COG5: variants seen among roughly 807,000 people sequenced by gnomAD.
The protein encoded by COG5 is conserved oligomeric Golgi complex subunit 5.
Under a neutral mutation model 110.4 loss-of-function variants are expected in COG5, and 86 were observed. That is an observed-to-expected ratio of 0.78 (90% CI 0.65 to 0.93). The LOEUF (loss-of-function observed/expected upper bound fraction) is 0.93. COG5 is among the 40% of genes least tolerant of loss of function. COG5 has a pLI of 0.00. For missense variants in COG5, 1,077 were observed against 987.0 expected, an observed-to-expected ratio of 1.09 and a Z score of -1.22; for synonymous variants, 360 against 334.6, an observed-to-expected ratio of 1.08 and a Z score of -0.83.
intron 7 of COG5, among the ~76,000 whole-genome samples, chr7:107,411,446 G>C (rs1370311064): frequency 6.6e-6 from 1 of 151,980 alleles, no homozygotes; most frequent in Non-Finnish European, 1.5e-5. Context: ...TCTAATGTTA[G>C]AAGTTAGAAT....
At position 107,558,138 on chromosome 7, in the gene COG5, A is replaced by G. The variant is rs1375061395; in HGVS notation, c.95-23T>C. 3 of 1,610,912 alleles carry G rather than the reference A, an allele frequency of 1.9e-6. No individual in the cohort carries two copies. The African/African-American group carries it at 4.0e-5, about 22-fold the overall frequency. ...ACCCTGGATTGGGGAAAAAATAAGGAAAAGTCCTTAATTACCCTGTACTAA... is the reference window on the plus strand; with the variant it reads ...ACCCTGGATTGGGGAAAAAATAAGGGAAAGTCCTTAATTACCCTGTACTAA... On this transcript the variant is annotated intron_variant, in intron 1 of 21. Transcript: ENST00000297135.
chr7:107,455,252 T>C (rs1795588894), intron 6 of COG5, among the ~76,000 whole-genome samples: 1 of 152,138 alleles, frequency 6.6e-6, no homozygotes, highest in Non-Finnish European at 1.5e-5. Context: ...TGTGAATGAA[T>C]GTGGAAGGGG....
chr7:107,337,398 TG>T (rs1356688854), intron 10 of COG5, among the ~76,000 whole-genome samples: 3 of 152,108 alleles, frequency 2.0e-5, no homozygotes, highest in African/African-American at 7.2e-5. Context: ...AAGCGTCCAT[TG>T]AAGGATGAAT....
intron 6 of COG5, among the ~76,000 whole-genome samples, chr7:107,483,581 G>A (rs1042435632): frequency 6.6e-6 from 1 of 152,038 alleles, no homozygotes; most frequent in African/African-American, 2.4e-5. Context: ...GTGCATGCCT[G>A]TAATCCCAGC....
chr7:107,555,819 C>T lies in COG5; in HGVS notation c.235-1477G>A, dbSNP rs191488672. Among the ~76,000 whole-genome samples the T allele has an allele frequency of 5.5e-3, 837 of 152,076 alleles. 8 individuals carry two copies. Among genetic ancestry groups the T allele is most frequent in the African/African-American group, 0.019 (806 of 41,478 alleles). Reference sequence around the variant, plus strand: ...TTGAGGTCAGGAGTTTGAGACCAGCCTGGCCAACATGGTGAAATCCTGTCT... The same window carrying T: ...TTGAGGTCAGGAGTTTGAGACCAGCTTGGCCAACATGGTGAAATCCTGTCT... On this transcript the variant is annotated intron_variant, in intron 2 of 21. Transcript: ENST00000297135.
chr7:107,307,994 A>G (rs913937493), intron 11 of COG5, among the ~76,000 whole-genome samples: 1 of 152,174 alleles, frequency 6.6e-6, no homozygotes, highest in African/African-American at 2.4e-5. Context: ...CATCTGCCTG[A>G]TTGAGTTAGG....
intron 6 of COG5, among the ~76,000 whole-genome samples, chr7:107,515,792 AAGTC>A (rs2129147663): frequency 6.6e-6 from 1 of 152,348 alleles, no homozygotes; most frequent in African/African-American, 2.4e-5. Flanking sequence ...TCTTTAGAAC[AAGTC>A]AGGCAATAAA....
chr7:107,487,238 A>G (rs1797708159), intron 6 of COG5, among the ~76,000 whole-genome samples: 1 of 152,212 alleles, frequency 6.6e-6, no homozygotes, highest in Non-Finnish European at 1.5e-5. Flanking sequence ...CAAAGAATAC[A>G]AACAGGTAAC....
chr7:107,236,053 A>G (rs899584451), intron 18 of COG5, among the ~76,000 whole-genome samples: 4 of 152,206 alleles, frequency 2.6e-5, no homozygotes, highest in African/African-American at 9.6e-5. Context: ...GAATGGTGAC[A>G]TGGCAACAAG....
At chr7:107,304,166 A>G (rs1281325874) in intron 11 of COG5, among the ~76,000 whole-genome samples, 3 of 152,186 alleles carry the variant, frequency 2.0e-5, no homozygotes, top group African/African-American at 7.2e-5. Flanking sequence ...ATTCACTGCA[A>G]AAAGAACCCC....
intron 8 of COG5, among the ~76,000 whole-genome samples, chr7:107,363,211 T>C (rs1317380632): frequency 6.6e-6 from 1 of 152,158 alleles, no homozygotes; most frequent in Non-Finnish European, 1.5e-5. Context: ...ATATGTAGTG[T>C]CCAAATTTTG....
At chr7:107,367,331 A>T (rs1813713808) in intron 8 of COG5, among the ~76,000 whole-genome samples, 1 of 152,132 alleles carries the variant, frequency 6.6e-6, no homozygotes, top group Admixed American at 6.5e-5. Flanking sequence ...GAATATAGAA[A>T]TGGAGAGGTC....
intron 10 of COG5, among the ~76,000 whole-genome samples, chr7:107,335,257 G>T (rs1272568953): frequency 6.6e-6 from 1 of 152,140 alleles, no homozygotes; most frequent in Non-Finnish European, 1.5e-5. Context: ...GGGTGCAGTG[G>T]TGTGCACCTG....
chr7:107,321,996 G>A (rs1378309302), intron 11 of COG5, among the ~76,000 whole-genome samples: 1 of 152,174 alleles, frequency 6.6e-6, no homozygotes, highest in African/African-American at 2.4e-5. Flanking sequence ...AATATGCAAA[G>A]ATTCCTTGGG....
chr7:107,240,796 T>C (rs1320346144), intron 17 of COG5, among the ~76,000 whole-genome samples: 1 of 152,152 alleles, frequency 6.6e-6, no homozygotes, highest in Non-Finnish European at 1.5e-5. Context: ...TTCTACAAAG[T>C]AGGAAAATTA....
At chr7:107,547,905 T>C in intron 5 of COG5, 1 of 583,842 alleles carries the variant, frequency 1.7e-6, no homozygotes, top group Non-Finnish European at 3.1e-6. Context: ...TAAACAATTA[T>C]ACACTGCAAT....
At chr7:107,470,025 C>G (rs1256295569) in intron 6 of COG5, 1 of 152,178 alleles carries the variant, frequency 6.6e-6, no homozygotes, top group African/African-American at 2.4e-5. Flanking sequence ...CACTGCATCT[C>G]TCTGCAGTGG....
chr7:107,480,895 C>CA (rs1369930151), intron 6 of COG5: 7 of 152,080 alleles, frequency 4.6e-5, no homozygotes, highest in African/African-American at 1.7e-4. Context: ...TGAACGTAAT[C>CA]ACAATAATAT....
chr7:107,247,772 G>A lies in COG5; in HGVS notation c.1853+624C>T, dbSNP rs561124537. Among the ~76,000 whole-genome samples, 41 of 152,300 alleles carry A rather than the reference G, an allele frequency of 2.7e-4. No individual in the cohort carries two copies. In the South Asian group the frequency reaches 8.1e-3, roughly 30 times the overall value. Reference sequence around the variant, plus strand: ...TGATTATTATTCTCAGGATACCTATGACATGGATGAGCAAGACACATATGA... The same window carrying A: ...TGATTATTATTCTCAGGATACCTATAACATGGATGAGCAAGACACATATGA... On this transcript the variant is annotated intron_variant, in intron 17 of 21. Coordinates refer to ENST00000297135, the MANE Select transcript of COG5 (RefSeq NM_006348.5).
Sources: allele counts gnomAD v4.1 joint callset (sites outside exome capture counted in the v4.1 genomes callset), GRCh38; gene constraint gnomAD v4.1.1; transcripts MANE v1.5; gene names NCBI Gene and HGNC (gene_info 2026-07-23, HGNC 2026-07-21).